Variants in IMPG2 observed in about 807,000 individuals in gnomAD.
IMPG2 encodes IPM 200.
Under a neutral mutation model 129.2 loss-of-function variants are expected in IMPG2, and 91 were observed. The ratio of observed to expected loss-of-function variants is 0.70; its 90% CI spans 0.59 to 0.84. The LOEUF is 0.84. Among genes scored for constraint, IMPG2 ranks in the 40% least tolerant of loss-of-function variants. IMPG2 has a pLI of 0.00. For synonymous variants in IMPG2, 510 were observed against 517.7 expected (o/e 0.99, Z 0.20); for missense variants, 1,430 against 1,461.7 (o/e 0.98, Z 0.35).
At position 101,226,225 on chromosome 3, in the gene IMPG2, T is replaced by TTATATATATATATA. The variant is rs66908707; in HGVS notation, c.*730_*743dup. The stretch of plus-strand genomic sequence containing the variant: ...TAGATTAATGGGAATCTTCTAAACT[T>TTATATATATATATA]TATATATATATATATATATATATAT... On this transcript the variant is annotated 3_prime_UTR_variant, in exon 19 of 19. Coordinates refer to ENST00000193391, the MANE Select transcript of IMPG2 (RefSeq NM_016247.4). 1.7e-4 allele frequency: 18 copies of TTATATATATATATA among 102,892 alleles called. 1 individual carries two copies. Among genetic ancestry groups the TTATATATATATATA allele is most frequent in the East Asian group, 3.6e-4 (1 of 2,808 alleles). The allele number at this position is 102,892 out of a possible 1,614,324, so 6.4% of individuals were successfully genotyped here. A position where few individuals can be genotyped will look rare whatever the true frequency, so the allele number is the denominator to read the frequency against.
chr3:101,227,892 G>A (rs1706241568), intron 18 of IMPG2: 2 of 455,968 alleles, frequency 4.4e-6, no homozygotes, highest in Non-Finnish European at 8.8e-6. Context: ...TGAGTAAAGG[G>A]GCAGGTGTTC....
At chr3:101,259,634 T>C (rs1185076823) in intron 9 of IMPG2, among the ~76,000 whole-genome samples, 1 of 151,520 alleles carries the variant, frequency 6.6e-6, no homozygotes, top group East Asian at 1.9e-4. Context: ...GGTATTTACA[T>C]ATCTAAAGGA....
chr3:101,237,491 C>T (rs1310358959), intron 14 of IMPG2, among the ~76,000 whole-genome samples: 3 of 152,116 alleles, frequency 2.0e-5, no homozygotes, highest in Non-Finnish European at 4.4e-5. Context: ...TGGTGGGTGC[C>T]CCTCTGGGAC....
intron 3 of IMPG2, among the ~76,000 whole-genome samples, 182 bp downstream of exon 3, chr3:101,303,964 T>C (rs760114142): frequency 6.6e-6 from 1 of 152,168 alleles, no homozygotes; most frequent in Non-Finnish European, 1.5e-5. Flanking sequence ...ATAATGTATA[T>C]TATAGAGGCC....
At chr3:101,318,148 TAAA>T (rs1421934926) in intron 2 of IMPG2, among the ~76,000 whole-genome samples, 1 of 60,174 alleles carries the variant, frequency 1.7e-5, no homozygotes, top group African/African-American at 6.0e-5. Flanking sequence ...AAAATAGTAA[TAAA>T]TAATAATAAT....
At chr3:101,316,097 C>A (rs1038727863) in intron 2 of IMPG2, among the ~76,000 whole-genome samples, 2 of 151,842 alleles carry the variant, frequency 1.3e-5, no homozygotes, top group African/African-American at 2.4e-5. Flanking sequence ...ATCCATATGT[C>A]ATAATCAAAA....
At chr3:101,318,189 A>AATAATG (rs58968048) in intron 2 of IMPG2, among the ~76,000 whole-genome samples, 2 of 146,644 alleles carry the variant, frequency 1.4e-5, no homozygotes, top group African/African-American at 5.0e-5. Flanking sequence ...TAATAATAAT[A>AATAATG]TAAAGTAAAA....
chr3:101,227,063 G>T, intron 18 of IMPG2, 82 bp from the exon 19 acceptor site: 1 of 1,326,028 alleles, frequency 7.5e-7, no homozygotes, highest in East Asian at 2.3e-5. Context: ...ACATCACTAA[G>T]CTATACTCCT....
chr3:101,250,266 T>C (rs747464489), intron 11 of IMPG2, among the ~76,000 whole-genome samples: 5 of 152,158 alleles, frequency 3.3e-5, no homozygotes, highest in African/African-American at 4.8e-5. Context: ...ACATAGGAGA[T>C]AGAGCAAGAG....
intron 14 of IMPG2, among the ~76,000 whole-genome samples, chr3:101,240,261 G>T (rs985208774): frequency 2.6e-5 from 4 of 151,992 alleles, no homozygotes; most frequent in Admixed American, 6.6e-5. Context: ...GGAACTACAG[G>T]CATATGCCAC....
intron 10 of IMPG2, among the ~76,000 whole-genome samples, chr3:101,256,150 A>AAAGG: frequency 1.8e-5 from 1 of 56,478 alleles, no homozygotes. Flanking sequence ...GAAAGAAAAG[A>AAAGG]AAGAAAGAAA....
chr3:101,249,343 C>T (rs1009440267), intron 11 of IMPG2, among the ~76,000 whole-genome samples: 1 of 152,186 alleles, frequency 6.6e-6, no homozygotes, highest in African/African-American at 2.4e-5. Context: ...AAGTTTAAGT[C>T]ATTTCTGTCA....
chr3:101,291,207 T>C lies in IMPG2; in HGVS notation c.533+272A>G, dbSNP rs72932497. Among the ~76,000 whole-genome samples, 340 of 152,326 alleles carry C rather than the reference T, an allele frequency of 2.2e-3. 1 individual carries two copies. Among genetic ancestry groups the C allele is most frequent in the African/African-American group, 7.7e-3 (320 of 41,572 alleles). On this transcript the variant is annotated intron_variant, in intron 4 of 18. Transcript: ENST00000193391. ...TAAACCTCAACAATAGGTCACTCCA[T>C]ATAAACCATAAATCTGTTTTCTTAT...
chr3:101,310,552 C>A (rs1182000399), intron 2 of IMPG2, among the ~76,000 whole-genome samples: 1 of 132,206 alleles, frequency 7.6e-6, no homozygotes, highest in Non-Finnish European at 1.5e-5. Flanking sequence ...AAAGTGAGAC[C>A]CTGTCTCAAA....
chr3:101,319,565 G>T lies in IMPG2; in HGVS notation c.334+19C>A. 6.2e-7 allele frequency: 1 copy of T among 1,612,580 alleles called. No individual in the cohort carries two copies. ...TTTGAATTTCATTATGGAGCTGAAGGATTTGGATGTTCGCTTACCTCGGAC... is the reference window on the plus strand; with the variant it reads ...TTTGAATTTCATTATGGAGCTGAAGTATTTGGATGTTCGCTTACCTCGGAC... On this transcript the variant is annotated intron_variant, in intron 2 of 18. Coordinates refer to ENST00000193391, the MANE Select transcript of IMPG2 (RefSeq NM_016247.4).
At chr3:101,235,680 C>A (rs980844085) in intron 14 of IMPG2, among the ~76,000 whole-genome samples, 1 of 152,172 alleles carries the variant, frequency 6.6e-6, no homozygotes, top group African/African-American at 2.4e-5. Flanking sequence ...GCCCAGGTAG[C>A]TAACTGTATG....
chr3:101,245,870 G>T lies in IMPG2; in HGVS notation c.1475C>A (p.Ala492Glu). ...SSLTLHSVTP[A>E]VLQTGLPVAS... is the part of the protein sequence containing the mutation. ...CACAGGCAAGCCAGTCTGAAGCACT[G>T]CCGGGGTGACAGAATGAAGAGTCAA... is the stretch of plus-strand genomic sequence containing the variant. Residue 492 changes from alanine to glutamate, a missense_variant, in exon 12 of 19, where the codon GCA becomes GAA. Transcript: ENST00000193391. 6.8e-6 allele frequency: 11 copies of T among 1,614,176 alleles called. No homozygotes were observed. Among genetic ancestry groups the T allele is most frequent in the Non-Finnish European group, 9.3e-6 (11 of 1,180,010 alleles).
At chr3:101,319,123 A>G (rs1272310643) in intron 2 of IMPG2, among the ~76,000 whole-genome samples, 1 of 152,130 alleles carries the variant, frequency 6.6e-6, no homozygotes, top group African/African-American at 2.4e-5. Flanking sequence ...ATTTACTGTA[A>G]TGAAGAAGTA....
At chr3:101,299,620 G>T (rs536561) in intron 3 of IMPG2, among the ~76,000 whole-genome samples, 109,208 of 151,990 alleles carry the variant, frequency 0.72, 40,380 homozygotes, top group East Asian at 0.84. Context: ...GTTGTTTTCT[G>T]TTTGTTTGTT....
Sources: gnomAD v4.1 joint callset for allele counts (sites outside exome capture counted in the v4.1 genomes callset) on GRCh38, gnomAD v4.1.1 for gene constraint, MANE v1.5 for transcripts, NCBI Gene and HGNC (gene_info 2026-07-23, HGNC 2026-07-21) for gene names.